Variants in UPRT observed in about 807,000 individuals in gnomAD.
UPRT encodes RP11-311P8.3.
In UPRT, 5 loss-of-function variants were observed where a neutral mutation model predicts 22.6. That is an observed-to-expected ratio of 0.22 (90% confidence interval 0.12 to 0.47). The LOEUF (loss-of-function observed/expected upper bound fraction) is 0.47, where lower values mean the gene tolerates loss of function less well. UPRT is among the 20% of genes least tolerant of loss of function. The pLI is 0.99. For synonymous variants in UPRT, 77 were observed against 87.7 expected, an observed-to-expected ratio of 0.88 and a Z score of 0.68; for missense variants, 181 against 239.9, an observed-to-expected ratio of 0.75 and a Z score of 1.62.
upstream of UPRT, among the ~76,000 whole-genome samples, chrX:75,272,558 T>C (rs773659391): frequency 5.6e-5 from 6 of 106,923 alleles, no homozygotes; most frequent in African/African-American, 1.7e-4. Flanking sequence ...ATATGAATGA[T>C]ACAATGAACT....
rs1052444661 is a variant in UPRT, at chrX:75,190,569, G to A, written c.-447+22690G>A. The stretch of plus-strand genomic sequence containing the variant: ...GTTCTCGTGGAGAATATCCTGCAGA[G>A]TGTTTTCCAACTTGGTTCCATTCTC... On this transcript the variant is annotated intron_variant, in intron 4 of 13. Transcript: ENST00000652605. Among the ~76,000 whole-genome samples the A allele has an allele frequency of 4.5e-5, 5 of 112,034 alleles. No homozygotes were observed. In the East Asian group the frequency reaches 1.4e-3, roughly 31 times the overall value.
intron 4 of UPRT, among the ~76,000 whole-genome samples, chrX:75,227,590 G>A (rs139858637): frequency 1.5e-4 from 17 of 112,212 alleles, no homozygotes; most frequent in East Asian, 2.8e-4. Context: ...TTCTTGCCTC[G>A]TAGTCTGATG....
intron 4 of UPRT, among the ~76,000 whole-genome samples, chrX:75,184,314 G>C (rs1486763724): frequency 9.0e-6 from 1 of 111,682 alleles, no homozygotes; most frequent in African/African-American, 3.3e-5. Context: ...CGTCAGGTTT[G>C]TCAAAGACCA....
intron 4 of UPRT, among the ~76,000 whole-genome samples, chrX:75,188,466 C>A (rs2082302914): frequency 8.9e-6 from 1 of 112,556 alleles, no homozygotes; most frequent in Non-Finnish European, 1.9e-5. Flanking sequence ...GAGGTTACTG[C>A]TGTCTTTGTG....
chrX:75,216,872 A>G (rs1160681024), intron 4 of UPRT, among the ~76,000 whole-genome samples: 1 of 111,803 alleles, frequency 8.9e-6, no homozygotes. Flanking sequence ...CTCCTGCCTC[A>G]GCCTCTTGAG....
At chrX:75,255,279 T>C (rs956923367) in intron 4 of UPRT, among the ~76,000 whole-genome samples, 1 of 111,267 alleles carries the variant, frequency 9.0e-6, no homozygotes, top group Non-Finnish European at 1.9e-5. Context: ...GAAAAAAAGA[T>C]ACAGTCTTTT....
chrX:75,256,189 C>A (rs1332250748), intron 4 of UPRT, among the ~76,000 whole-genome samples: 2 of 111,989 alleles, frequency 1.8e-5, no homozygotes, highest in East Asian at 5.5e-4. Context: ...TGGAATAAAA[C>A]TGGATATCAA....
At position 75,255,333 on chromosome X, in the gene UPRT, C is replaced by T. The variant is rs570350840; in HGVS notation, c.-446-35691C>T. Among the ~76,000 whole-genome samples, 13 of 111,771 alleles carry T rather than the reference C, an allele frequency of 1.2e-4. No homozygotes were observed. In the South Asian group the frequency reaches 4.1e-3, roughly 35 times the overall value. ...AGAGAATTCACCACTACCAAGCCAC[C>T]GCTACAAGAACTGCTAAAAGGAGCT... On this transcript the variant is annotated intron_variant, in intron 4 of 13. Coordinates refer to the UPRT transcript ENST00000652605.
At chrX:75,222,676 G>T (rs904732046) in intron 4 of UPRT, among the ~76,000 whole-genome samples, 1 of 110,851 alleles carries the variant, frequency 9.0e-6, no homozygotes, top group African/African-American at 3.3e-5. Context: ...AAGGCCCAAG[G>T]GCTCTTTAGT....
intron 4 of UPRT, among the ~76,000 whole-genome samples, chrX:75,235,785 C>A (rs960181465): frequency 1.8e-5 from 2 of 111,547 alleles, no homozygotes; most frequent in Non-Finnish European, 3.8e-5. Context: ...TTAGGTATTG[C>A]TGGGATGTAT....
intron 4 of UPRT, among the ~76,000 whole-genome samples, chrX:75,250,278 T>A (rs2082524104): frequency 9.1e-6 from 1 of 109,610 alleles, no homozygotes; most frequent in Non-Finnish European, 1.9e-5. Flanking sequence ...AGGAGCTGGT[T>A]TTTTGAAAAG....
chrX:75,302,192 T>A (rs1275806732), intron 6 of UPRT, among the ~76,000 whole-genome samples: 1 of 111,457 alleles, frequency 9.0e-6, no homozygotes, highest in East Asian at 2.8e-4. Flanking sequence ...TACTTTGCTG[T>A]TTCATAACTA....
At chrX:75,300,651 G>T (rs1487217044) in intron 5 of UPRT, among the ~76,000 whole-genome samples, 2 of 110,186 alleles carry the variant, frequency 1.8e-5, no homozygotes, top group Non-Finnish European at 3.8e-5. Context: ...GCTGGGTGTG[G>T]TGGCACGTGC....
chrX:75,188,744 C>T (rs976652847), intron 4 of UPRT, among the ~76,000 whole-genome samples: 2 of 112,532 alleles, frequency 1.8e-5, no homozygotes, highest in East Asian at 2.8e-4. Flanking sequence ...TTTTTAAGCC[C>T]GTCGGAAAAG....
chrX:75,205,109 G>A (rs1453669664), intron 4 of UPRT, among the ~76,000 whole-genome samples: 3 of 110,743 alleles, frequency 2.7e-5, no homozygotes, highest in Admixed American at 9.5e-5. Flanking sequence ...GGTGGCTCAC[G>A]CCTGTAATCC....
intron 4 of UPRT, among the ~76,000 whole-genome samples, chrX:75,215,819 A>C (rs2147630855): frequency 9.0e-6 from 1 of 111,622 alleles, no homozygotes; most frequent in East Asian, 2.8e-4. Context: ...CCTGTATCTG[A>C]AATAAAAGTT....
At position 75,255,054 on chromosome X, in the gene UPRT, C is replaced by T. The variant is rs774169971; in HGVS notation, c.-446-35970C>T. On this transcript the variant is annotated intron_variant, in intron 4 of 13. Transcript: ENST00000652605. ...CCTCCCAAAGTGCTGGGATTACAGGCGTGAGCCACCGCGCCCGGCCAGGAA... is the reference window on the plus strand; with the variant it reads ...CCTCCCAAAGTGCTGGGATTACAGGTGTGAGCCACCGCGCCCGGCCAGGAA... 8.1e-5 allele frequency among the ~76,000 whole-genome samples: 9 copies of T among 110,664 alleles called. No homozygotes were observed. In the South Asian group the frequency reaches 3.1e-3, roughly 38 times the overall value.
intron 4 of UPRT, among the ~76,000 whole-genome samples, chrX:75,175,166 G>A (rs184287525): frequency 3.2e-4 from 36 of 111,125 alleles, no homozygotes; most frequent in African/African-American, 1.0e-3. Flanking sequence ...GACTGTGCAG[G>A]CATTTTTTTG....
chrX:75,268,437 C>T lies in UPRT; in HGVS notation c.-446-22587C>T, dbSNP rs752064155. 2.7e-5 allele frequency among the ~76,000 whole-genome samples: 3 copies of T among 111,199 alleles called. No individual in the cohort carries two copies. The South Asian group carries it at 1.1e-3, about 42-fold the overall frequency. On this transcript the variant is annotated intron_variant, in intron 4 of 13. Coordinates refer to the UPRT transcript ENST00000652605. ...GCCAGCATCATCCTGGTACCACAAC[C>T]TGGCAGAGACACAACAAAAACAGAA...
Sources: gnomAD v4.1 joint callset for allele counts (sites outside exome capture counted in the v4.1 genomes callset) on GRCh38, gnomAD v4.1.1 for gene constraint, MANE v1.5 for transcripts, NCBI Gene and HGNC (gene_info 2026-07-23, HGNC 2026-07-21) for gene names.